Variants in ABCG4 observed in about 807,000 individuals in gnomAD.
ABCG4 encodes the protein ATP binding cassette subfamily G member 4, also known as ATP-binding cassette sub-family G member 4.
A neutral mutation model predicts 64.6 loss-of-function variants in ABCG4; 35 were observed. That is an observed-to-expected ratio of 0.54 (90% CI 0.41 to 0.72). The LOEUF (loss-of-function observed/expected upper bound fraction) is 0.72, where lower values mean the gene tolerates loss of function less well. Among genes scored for constraint, ABCG4 ranks in the 30% least tolerant of loss-of-function variants. The pLI is 0.00. For missense variants in ABCG4, 610 were observed against 846.3 expected (o/e 0.72, Z 3.46); for synonymous variants, 326 against 348.2 (o/e 0.94, Z 0.71).
chr11:119,159,674 G>A (rs544897858), intron 12 of ABCG4, among the ~76,000 whole-genome samples: 2 of 152,286 alleles, frequency 1.3e-5, no homozygotes, highest in South Asian at 2.1e-4. Flanking sequence ...AAGCATCAGG[G>A]CCACCAGTAA....
In ABCG4 at chr11:119,156,757, C is replaced by CGAGG; in HGVS notation, c.925+79_925+80insGAGG. 1.3e-6 allele frequency: 2 copies of CGAGG among 1,593,652 alleles called. No individual in the cohort carries two copies. Among genetic ancestry groups the CGAGG allele is most frequent in the Non-Finnish European group, 1.7e-6 (2 of 1,162,628 alleles). On this transcript the variant is annotated intron_variant, in intron 8 of 14. Coordinates refer to ENST00000619701, the MANE Select transcript of ABCG4 (RefSeq NM_022169.5). This position sits in a 1 kb window ranked among gnomAD's most constrained non-coding sequence, Gnocchi z 5.5. The stretch of plus-strand genomic sequence containing the variant: ...GGTCTCTGGTCTTGCACTCAGGCCT[C>CGAGG]CTAGGGGTAGAGATCTCACCGTCGC...
chr11:119,160,177 G>A lies in ABCG4; in HGVS notation c.1438-50G>A. 6.4e-7 allele frequency: 1 copy of A among 1,573,804 alleles called. No homozygotes were observed. Among genetic ancestry groups the A allele is most frequent in the Non-Finnish European group, 8.7e-7 (1 of 1,152,338 alleles). On this transcript the variant is annotated intron_variant, in intron 12 of 14. Transcript: ENST00000619701. The surrounding 1 kb of genome is among the most constrained non-coding windows in gnomAD (Gnocchi z 4.6). Reference sequence around the variant, plus strand: ...CTTGGGTGGAGTGGAGGTCTTGGCTGCTGTGCCCCTGGCTTGAAGTCCACT... The same window carrying A: ...CTTGGGTGGAGTGGAGGTCTTGGCTACTGTGCCCCTGGCTTGAAGTCCACT...
At position 119,161,303 on chromosome 11, in the gene ABCG4, A is replaced by T. The variant is rs1565818358; in HGVS notation, c.*197A>T. The T allele has an allele frequency of 1.6e-5, 9 of 579,838 alleles. No homozygotes were observed. The highest frequency in any genetic ancestry group is 2.8e-5 in the Non-Finnish European group (9 of 325,888). 35.9% of individuals were successfully genotyped at this position (579,838 alleles called of 1,614,324 possible). A position where few individuals can be genotyped will look rare whatever the true frequency, so the allele number is the denominator to read the frequency against. ...GGGAGTGGGGGCTCCAGCCCTCCCCACTATGCCCAGGAGTCTTCCCAAGTT... is the reference window on the plus strand; with the variant it reads ...GGGAGTGGGGGCTCCAGCCCTCCCCTCTATGCCCAGGAGTCTTCCCAAGTT... On this transcript the variant is annotated 3_prime_UTR_variant, in exon 15 of 15. Transcript: ENST00000619701.
At position 119,154,836 on chromosome 11, in the gene ABCG4, G is replaced by T. The variant is rs1405325729; in HGVS notation, c.607G>T (p.Gly203Cys). ...CCACACGAGGACAGCCCTGCTCTCTGGCGGGCAGAGGAAGCGTCTGGCCAT... is the reference window on the plus strand; with the variant it reads ...CCACACGAGGACAGCCCTGCTCTCTTGCGGGCAGAGGAAGCGTCTGGCCAT... ...CSHTRTALLSGGQRKRLAIAL... is the reference protein window; with the variant it reads ...CSHTRTALLSCGQRKRLAIAL... Residue 203 changes from glycine (G) to cysteine (C), a missense_variant, in exon 6 of 15, where the codon GGC (glycine) becomes TGC (cysteine). Physicochemically the swap from Gly to Cys is radical, Grantham distance 159 (BLOSUM62 -3). Transcript: ENST00000619701. This position sits in a 1 kb window ranked among gnomAD's most constrained non-coding sequence, Gnocchi z 7.0. 1 of 1,614,100 alleles carries T rather than the reference G, an allele frequency of 6.2e-7. No individual in the cohort carries two copies. The highest frequency in any genetic ancestry group is 8.5e-7 in the Non-Finnish European group (1 of 1,179,928).
rs766675346 is a variant in ABCG4, at chr11:119,161,158, C to T, written c.*52C>T. ...CCCTGCAGCAGGAAGCCCCCAGTCC[C>T]AGCCCTTTGGGACTGTTTTAACCTT... On this transcript the variant is annotated 3_prime_UTR_variant, in exon 15 of 15. Coordinates refer to ENST00000619701, the MANE Select transcript of ABCG4 (RefSeq NM_022169.5). 19 of 1,550,762 alleles carry T rather than the reference C, an allele frequency of 1.2e-5. No individual in the cohort carries two copies. The Admixed American group carries it at 2.3e-4, about 19-fold the overall frequency.
rs1565815166 is a variant in ABCG4, at chr11:119,156,647, T to C, written c.894T>C (p.His298=). The change falls in exon 8 of 15, where the codon CAT becomes CAC. Residue 298 remains histidine, a synonymous_variant. Coordinates refer to ENST00000619701, the MANE Select transcript of ABCG4 (RefSeq NM_022169.5). This position sits in a 1 kb window ranked among gnomAD's most constrained non-coding sequence, Gnocchi z 5.5. ...LIPYLKGLGL[H]CPTYHNPADF... is the part of the protein sequence containing the mutation. The stretch of plus-strand genomic sequence containing the variant: ...CCTATCTAAAGGGACTCGGCTTGCA[T>C]TGCCCCACCTACCACAACCCGGCTG... The C allele has an allele frequency of 2.5e-6, 4 of 1,614,042 alleles. No homozygotes were observed. The highest frequency in any genetic ancestry group is 3.3e-5 in the Admixed American group (2 of 60,006).
At position 119,155,096 on chromosome 11, in the gene ABCG4, C is replaced by T. The variant is rs1407753693; in HGVS notation, c.686+181C>T. On this transcript the variant is annotated intron_variant, in intron 6 of 14. Coordinates refer to ENST00000619701, the MANE Select transcript of ABCG4 (RefSeq NM_022169.5). The surrounding 1 kb of genome is among the most constrained non-coding windows in gnomAD (Gnocchi z 4.5). ...TGTTGCTGTGAGCTGCCCCATCCTT[C>T]GCCTGGGCAGAGATCTAGGTGTCCT... is the stretch of plus-strand genomic sequence containing the variant. Among the ~76,000 whole-genome samples the T allele has an allele frequency of 1.3e-5, 2 of 152,192 alleles. No individual in the cohort carries two copies. Among genetic ancestry groups the T allele is most frequent in the African/African-American group, 2.4e-5 (1 of 41,464 alleles).
intron 2 of ABCG4, chr11:119,153,622 T>G: frequency 5.3e-6 from 1 of 188,970 alleles, no homozygotes; most frequent in Non-Finnish European, 1.1e-5. Context: ...ATAGGAGAGG[T>G]GCTATGGAAA....
At position 119,158,173 on chromosome 11, in the gene ABCG4, G is replaced by A. The variant is rs1242845989; in HGVS notation, c.1069-61G>A. Reference sequence around the variant, plus strand: ...TCTGAGGTTTTTCATTCACTGAGCTGGGTGTTCTGTGGGTGAATGGGGTAG... The same window carrying A: ...TCTGAGGTTTTTCATTCACTGAGCTAGGTGTTCTGTGGGTGAATGGGGTAG... On this transcript the variant is annotated intron_variant, in intron 9 of 14. Transcript: ENST00000619701. This position sits in a 1 kb window ranked among gnomAD's most constrained non-coding sequence, Gnocchi z 4.5. 1 of 1,360,096 alleles carries A rather than the reference G, an allele frequency of 7.4e-7. No individual in the cohort carries two copies. The highest frequency in any genetic ancestry group is 1.5e-5 in the African/African-American group (1 of 68,800). The allele number at this position is 1,360,096 out of a possible 1,614,324, so 84.3% of individuals were successfully genotyped here.
At chr11:119,152,146 G>A (rs919593237) in intron 2 of ABCG4, among the ~76,000 whole-genome samples, 1 of 152,218 alleles carries the variant, frequency 6.6e-6, no homozygotes, top group African/African-American at 2.4e-5. Flanking sequence ...GCCACCAAAT[G>A]TCTCTGATTG....
rs369212587 is a variant in ABCG4 at position 119,160,402 on chromosome 11, T to G, written c.1596+17T>G. The G allele has an allele frequency of 8.1e-6, 13 of 1,603,646 alleles. No homozygotes were observed. In the East Asian group the frequency reaches 1.8e-4, roughly 22 times the overall value. On this transcript the variant is annotated intron_variant, in intron 13 of 14. Coordinates refer to ENST00000619701, the MANE Select transcript of ABCG4 (RefSeq NM_022169.5). This position sits in a 1 kb window ranked among gnomAD's most constrained non-coding sequence, Gnocchi z 4.6. ...TCCCTACAGGTGGGAGGGCTGGCAGTTGGGAATTCCCAAGGCGGGATGAGG... is the reference window on the plus strand; with the variant it reads ...TCCCTACAGGTGGGAGGGCTGGCAGGTGGGAATTCCCAAGGCGGGATGAGG...
In ABCG4 at chr11:119,149,827, GC is replaced by G; in HGVS notation, c.-12-126del. The G allele has an allele frequency of 2.2e-6, 3 of 1,383,734 alleles. No individual in the cohort carries two copies. In the South Asian group the frequency reaches 4.3e-5, roughly 20 times the overall value. 85.7% of individuals were successfully genotyped at this position (1,383,734 alleles called of 1,614,324 possible). Reference sequence around the variant, plus strand: ...GTGGGGGGCGGGGGCAGAGTGCGGGGCTAACAGTCGCGGATCTGCCCCGAGA... The same window carrying G: ...GTGGGGGGCGGGGGCAGAGTGCGGGGTAACAGTCGCGGATCTGCCCCGAGA... On this transcript the variant is annotated intron_variant, in intron 1 of 14. Coordinates refer to ENST00000619701, the MANE Select transcript of ABCG4 (RefSeq NM_022169.5). The surrounding 1 kb of genome is among the most constrained non-coding windows in gnomAD (Gnocchi z 8.3).
rs756133318 is a variant in ABCG4 at position 119,158,742 on chromosome 11, T to G, written c.1336+17T>G. On this transcript the variant is annotated intron_variant, in intron 11 of 14. Transcript: ENST00000619701. The surrounding 1 kb of genome is among the most constrained non-coding windows in gnomAD (Gnocchi z 4.5). ...TGCTCACCTGTGAGCTGAGCTGCCC[T>G]GGGCATGGGGCAAGGGTGTGGGTGC... 56 of 1,614,012 alleles carry G rather than the reference T, an allele frequency of 3.5e-5. 2 individuals carry two copies. The Admixed American group carries it at 9.3e-4, about 27-fold the overall frequency.
chr11:119,157,157 T>A (rs1948277104), intron 9 of ABCG4, 143 bp downstream of exon 9: 1 of 1,134,250 alleles, frequency 8.8e-7, no homozygotes, highest in Non-Finnish European at 1.2e-6. Context: ...GGAATCGACC[T>A]ACTAGGAACA....
At position 119,158,164 on chromosome 11, in the gene ABCG4, C is replaced by A. The variant is rs529640800; in HGVS notation, c.1069-70C>A. On this transcript the variant is annotated intron_variant, in intron 9 of 14. Transcript: ENST00000619701. The surrounding 1 kb of genome is among the most constrained non-coding windows in gnomAD (Gnocchi z 4.5). ...GGGAAGAGCTCTGAGGTTTTTCATT[C>A]ACTGAGCTGGGTGTTCTGTGGGTGA... The A allele has an allele frequency of 9.0e-4, 1,168 of 1,301,904 alleles. 21 individuals carry two copies. In the South Asian group the frequency reaches 0.015, roughly 17 times the overall value. 80.6% of individuals were successfully genotyped at this position (1,301,904 alleles called of 1,614,324 possible).
In ABCG4 at chr11:119,156,566, C is replaced by G; in HGVS notation, c.813C>G (p.Leu271=). The part of the protein sequence containing the change: ...SAKLFEMFDK[L]YILSQGQCIF... The stretch of plus-strand genomic sequence containing the variant: ...TTACCCTTCTCTTTCTGCTGCAGCT[C>G]TACATCCTGAGCCAGGGTCAGTGCA... Residue 271 remains leucine, a splice_region_variant and synonymous_variant, in exon 8 of 15, where the codon CTC becomes CTG. Transcript: ENST00000619701. This position sits in a 1 kb window ranked among gnomAD's most constrained non-coding sequence, Gnocchi z 5.5. The G allele has an allele frequency of 6.2e-7, 1 of 1,614,134 alleles. No homozygotes were observed.
At chr11:119,153,950 TG>T in intron 2 of ABCG4, 75 bp from the exon 3 acceptor site, 1 of 1,249,286 alleles carries the variant, frequency 8.0e-7, no homozygotes. Flanking sequence ...CTGATAGCCA[TG>T]GCTGCTCCTA....
chr11:119,160,194 A>G lies in ABCG4; in HGVS notation c.1438-33A>G, dbSNP rs1948326951. ...TCTTGGCTGCTGTGCCCCTGGCTTG[A>G]AGTCCACTGTCCAGCCCGTGCCCAC... On this transcript the variant is annotated intron_variant, in intron 12 of 14. Coordinates refer to ENST00000619701, the MANE Select transcript of ABCG4 (RefSeq NM_022169.5). The surrounding 1 kb of genome is among the most constrained non-coding windows in gnomAD (Gnocchi z 4.6). 1 of 1,582,906 alleles carries G rather than the reference A, an allele frequency of 6.3e-7. No homozygotes were observed. Among genetic ancestry groups the G allele is most frequent in the South Asian group, 1.1e-5 (1 of 89,558 alleles).
Position 119,161,246 on chromosome 11 carries a change from G to A in ABCG4, c.*140G>A, listed in dbSNP as rs1016290859. On this transcript the variant is annotated 3_prime_UTR_variant, in exon 15 of 15. Coordinates refer to ENST00000619701, the MANE Select transcript of ABCG4 (RefSeq NM_022169.5). The stretch of plus-strand genomic sequence containing the variant: ...TCCTCCCTTGGCTCCTCCACAGGCT[G>A]GCTGTCGGACTGCGCTCCCAGCCTG... The A allele has an allele frequency of 1.2e-5, 9 of 773,918 alleles. No homozygotes were observed. Among genetic ancestry groups the A allele is most frequent in the Non-Finnish European group, 1.8e-5 (9 of 496,424 alleles). 47.9% of individuals were successfully genotyped at this position (773,918 alleles called of 1,614,324 possible). A position where few individuals can be genotyped will look rare whatever the true frequency, so the allele number is the denominator to read the frequency against.
Sources: allele counts gnomAD v4.1 joint callset (sites outside exome capture counted in the v4.1 genomes callset), GRCh38; gene constraint gnomAD v4.1.1; non-coding constraint Gnocchi (gnomAD v3.1); transcripts MANE v1.5; gene names NCBI Gene and HGNC (gene_info 2026-07-23, HGNC 2026-07-21).